Variants in MAST4 observed in about 807,000 individuals in gnomAD.
The protein encoded by MAST4 is microtubule-associated serine/threonine-protein kinase 4.
MAST4 carries 89 observed loss-of-function variants against 162.7 expected under a neutral mutation model. The observed-to-expected ratio is 0.55, with a 90% CI of 0.46 to 0.65. The LOEUF (loss-of-function observed/expected upper bound fraction) is 0.65. MAST4 is among the 30% of genes least tolerant of loss of function. The pLI is 0.00. For synonymous variants in MAST4, 1,479 were observed against 1,361.1 expected, an observed-to-expected ratio of 1.09 and a Z score of -1.91; for missense variants, 3,153 against 3,374.0, an observed-to-expected ratio of 0.93 and a Z score of 1.62.
intron 21 of MAST4, among the ~76,000 whole-genome samples, chr5:67,143,927 A>AT (rs1770724463): frequency 6.6e-6 from 1 of 152,092 alleles, no homozygotes; most frequent in Admixed American, 6.5e-5. Context: ...GACCATTCCC[A>AT]TGAGAGCAGC....
In MAST4 at chr5:66,899,964, TC is replaced by T; in HGVS notation, c.660del (p.Arg221GlufsTer14). The T allele has an allele frequency of 6.6e-7, 1 of 1,520,970 alleles. No homozygotes were observed. Among genetic ancestry groups the T allele is most frequent in the Non-Finnish European group, 8.8e-7 (1 of 1,135,560 alleles). 94.2% of individuals were successfully genotyped at this position (1,520,970 alleles called of 1,614,324 possible). A position where few individuals can be genotyped will look rare whatever the true frequency, so the allele number is the denominator to read the frequency against. On this transcript the variant is annotated frameshift_variant, in exon 4 of 29. Coordinates refer to ENST00000403625, the MANE Select transcript of MAST4 (RefSeq NM_001164664.2). LOFTEE classifies it high-confidence loss of function. ...SLTASLKELS[L>X]PRRGSFCRTS... ...TTTCTTTTGCAGAAGGAGCTGAGTC[TC>T]CCCAGAAGAGGAAGTTTGTAAGTAG...
intron 1 of MAST4, among the ~76,000 whole-genome samples, chr5:66,712,969 G>A (rs1401256097): frequency 6.6e-6 from 1 of 152,162 alleles, no homozygotes; most frequent in African/African-American, 2.4e-5. Flanking sequence ...ACTGAGAACA[G>A]TGTCAGTGGG....
chr5:66,942,400 C>T (rs950794955), intron 4 of MAST4, among the ~76,000 whole-genome samples: 1 of 152,130 alleles, frequency 6.6e-6, no homozygotes, highest in Non-Finnish European at 1.5e-5. Context: ...ATGACAAAAG[C>T]TGTTGGGGAA....
intron 1 of MAST4, among the ~76,000 whole-genome samples, chr5:66,708,104 A>G (rs548803073): frequency 6.6e-6 from 1 of 152,272 alleles, no homozygotes; most frequent in East Asian, 1.9e-4. Flanking sequence ...TGAGTGTGCA[A>G]CACCAACCTA....
At chr5:66,651,748 C>A (rs555998485) in intron 1 of MAST4, among the ~76,000 whole-genome samples, 1 of 152,264 alleles carries the variant, frequency 6.6e-6, no homozygotes, top group East Asian at 1.9e-4. Context: ...CAAGCCAGGC[C>A]TGCAGTCTCA....
chr5:66,990,879 A>G (rs1750000358), intron 4 of MAST4, among the ~76,000 whole-genome samples: 1 of 152,136 alleles, frequency 6.6e-6, no homozygotes, highest in African/African-American at 2.4e-5. Flanking sequence ...TATTTATTGG[A>G]CTATTTCTTA....
intron 1 of MAST4, among the ~76,000 whole-genome samples, chr5:66,670,785 A>G (rs4700145): frequency 0.13 from 19,365 of 151,756 alleles, 1,334 homozygotes; most frequent in Admixed American, 0.16. Flanking sequence ...TTGTAACTCA[A>G]AAGGTGAGAT....
chr5:67,017,297 G>T (rs1257533832), intron 4 of MAST4, among the ~76,000 whole-genome samples: 1 of 152,168 alleles, frequency 6.6e-6, no homozygotes, highest in Non-Finnish European at 1.5e-5. Context: ...AGGAATAGCT[G>T]CCCCTACCTA....
At chr5:66,696,735 G>A (rs1043467463) in intron 1 of MAST4, among the ~76,000 whole-genome samples, 8 of 135,228 alleles carry the variant, frequency 5.9e-5, no homozygotes, top group Non-Finnish European at 7.8e-5. Flanking sequence ...ATAATACCGA[G>A]ATATCATCTG....
At chr5:66,613,017 T>G (rs1743394189) in intron 1 of MAST4, among the ~76,000 whole-genome samples, 1 of 152,192 alleles carries the variant, frequency 6.6e-6, no homozygotes, top group Admixed American at 6.5e-5. Flanking sequence ...TTGTATCTTA[T>G]CAAGAGTACT....
intron 4 of MAST4, among the ~76,000 whole-genome samples, chr5:66,906,263 T>G (rs1293074176): frequency 6.6e-6 from 1 of 152,310 alleles, no homozygotes; most frequent in Non-Finnish European, 1.5e-5. Flanking sequence ...GACCCTCTCT[T>G]CTTATCATGG....
intron 1 of MAST4, among the ~76,000 whole-genome samples, chr5:66,643,768 T>C (rs2149438538): frequency 6.6e-6 from 1 of 152,222 alleles, no homozygotes; most frequent in African/African-American, 2.4e-5. Context: ...TCTGTTTAAG[T>C]CATGATTAAG....
chr5:67,000,325 G>A (rs954408269), intron 4 of MAST4, among the ~76,000 whole-genome samples: 1 of 152,222 alleles, frequency 6.6e-6, no homozygotes, highest in Non-Finnish European at 1.5e-5. Context: ...TGCACAGGGA[G>A]CTGACAGCTT....
chr5:66,971,606 C>T (rs904032220), intron 4 of MAST4, among the ~76,000 whole-genome samples: 3 of 152,150 alleles, frequency 2.0e-5, no homozygotes, highest in South Asian at 2.1e-4. Context: ...TTCTGGGCCA[C>T]ATATTGTGAC....
At chr5:66,690,302 T>G (rs570722872) in intron 1 of MAST4, among the ~76,000 whole-genome samples, 4 of 152,256 alleles carry the variant, frequency 2.6e-5, no homozygotes, top group African/African-American at 9.6e-5. Context: ...ATATTCTGCG[T>G]TGTTATTTAG....
chr5:66,632,600 A>G (rs1441087468), intron 1 of MAST4, among the ~76,000 whole-genome samples: 1 of 152,182 alleles, frequency 6.6e-6, no homozygotes, highest in Non-Finnish European at 1.5e-5. Context: ...TAGTTTATCC[A>G]GGTAGTTCAT....
At chr5:67,055,338 A>G (rs1297409269) in intron 5 of MAST4, among the ~76,000 whole-genome samples, 1 of 152,184 alleles carries the variant, frequency 6.6e-6, no homozygotes, top group African/African-American at 2.4e-5. Flanking sequence ...AGGATTGTGA[A>G]GGATGAAGGT....
In MAST4 at chr5:67,110,174, G is replaced by A. The variant is rs372702191; in HGVS notation, c.1433G>A (p.Arg478His). 5 of 1,613,176 alleles carry A rather than the reference G, an allele frequency of 3.1e-6. No homozygotes were observed. Among genetic ancestry groups the A allele is most frequent in the African/African-American group, 1.3e-5 (1 of 74,892 alleles). The change falls in exon 11 of 29, where the codon CGC (arginine) becomes CAC (histidine). Residue 478 changes from arginine to histidine, a missense_variant. Coordinates refer to ENST00000403625, the MANE Select transcript of MAST4 (RefSeq NM_001164664.2). Reference protein sequence around the residue: ...LVRKILIVIARPARLLECLEF... With the variant: ...LVRKILIVIAHPARLLECLEF... ...CGAAAGATCCTAATTGTTATTGCCC[G>A]CCCTGCTCGGTTATTAGAGTGCCTG...
At chr5:66,656,793 C>T (rs530047707) in intron 1 of MAST4, among the ~76,000 whole-genome samples, 66 of 152,220 alleles carry the variant, frequency 4.3e-4, no homozygotes, top group African/African-American at 1.3e-3. Flanking sequence ...AATGTTAGGC[C>T]CACATGTATT....
Sources: allele counts gnomAD v4.1 joint callset (sites outside exome capture counted in the v4.1 genomes callset), GRCh38; gene constraint gnomAD v4.1.1; transcripts MANE v1.5; gene names NCBI Gene and HGNC (gene_info 2026-07-23, HGNC 2026-07-21).